The following NSMCE2 variants were observed in gnomAD, a reference collection of about 807,000 sequenced individuals.
NSMCE2 encodes NSE2 SUMO ligase component of SMC5/6 complex.
A neutral mutation model predicts 23.8 loss-of-function variants in NSMCE2; 24 were observed. That is an observed-to-expected ratio of 1.01 (90% confidence interval 0.73 to 1.42). The LOEUF is 1.42. Among genes scored for constraint, NSMCE2 ranks in the 40% most tolerant of loss-of-function variants. The pLI is 0.00. For missense variants in NSMCE2, 284 were observed against 296.5 expected (o/e 0.96, Z 0.31); for synonymous variants, 92 against 94.1 (o/e 0.98, Z 0.13).
At chr8:125,366,212 G>T (rs1456668111) in intron 7 of NSMCE2, among the ~76,000 whole-genome samples, 1 of 152,150 alleles carries the variant, frequency 6.6e-6, no homozygotes, top group African/African-American at 2.4e-5. Flanking sequence ...GCATTTATTT[G>T]GTTCCCTAGT....
intron 5 of NSMCE2, among the ~76,000 whole-genome samples, chr8:125,213,112 A>G (rs573999130): frequency 1.3e-5 from 2 of 152,226 alleles, no homozygotes; most frequent in Non-Finnish European, 2.9e-5. Flanking sequence ...GAAATTAAGT[A>G]TTTGGCTTTG....
intron 5 of NSMCE2, among the ~76,000 whole-genome samples, chr8:125,313,188 AAGAAAG>A (rs992077091): frequency 2.0e-5 from 3 of 148,766 alleles, no homozygotes; most frequent in African/African-American, 7.4e-5. Flanking sequence ...AGGAAGGAGA[AAGAAAG>A]AGAGAGAGAA....
At chr8:125,319,800 T>C (rs1829351762) in intron 5 of NSMCE2, among the ~76,000 whole-genome samples, 1 of 152,118 alleles carries the variant, frequency 6.6e-6, no homozygotes, top group Non-Finnish European at 1.5e-5. Context: ...TTTAGTGAAG[T>C]CTGGACAGTC....
chr8:125,323,574 T>C (rs1224113871), intron 5 of NSMCE2, among the ~76,000 whole-genome samples: 2 of 152,164 alleles, frequency 1.3e-5, no homozygotes, highest in Non-Finnish European at 1.5e-5. Flanking sequence ...GATAATGCAG[T>C]GAGAAAAGGA....
At chr8:125,207,858 C>T (rs962471392) in intron 5 of NSMCE2, among the ~76,000 whole-genome samples, 3 of 152,184 alleles carry the variant, frequency 2.0e-5, no homozygotes, top group African/African-American at 7.2e-5. Flanking sequence ...CACATGGTAG[C>T]AGTGGGTAGG....
intron 5 of NSMCE2, among the ~76,000 whole-genome samples, chr8:125,327,554 G>A (rs1471359372): frequency 6.6e-6 from 1 of 152,100 alleles, no homozygotes; most frequent in South Asian, 2.1e-4. Flanking sequence ...TTTAATTTGA[G>A]CTAAAACATC....
intron 1 of NSMCE2, among the ~76,000 whole-genome samples, 187 bp downstream of exon 1, chr8:125,092,145 C>T (rs1422212427): frequency 1.3e-5 from 2 of 152,164 alleles, no homozygotes. Context: ...TCCATCCTTT[C>T]GCCTCAAGTG....
At chr8:125,151,127 C>T (rs1820998438) in intron 3 of NSMCE2, 44 bp from the exon 4 acceptor site, 2 of 1,004,372 alleles carry the variant, frequency 2.0e-6, no homozygotes, top group Admixed American at 3.5e-5. Context: ...CCAGATATGG[C>T]ATTTTAAATG....
intron 3 of NSMCE2, among the ~76,000 whole-genome samples, chr8:125,111,216 A>C (rs1354627827): frequency 6.6e-6 from 1 of 152,220 alleles, no homozygotes; most frequent in African/African-American, 2.4e-5. Flanking sequence ...AGTAAAAAAC[A>C]ACCAGCAAAG....
At chr8:125,176,764 A>G (rs1822518391) in intron 4 of NSMCE2, among the ~76,000 whole-genome samples, 1 of 152,224 alleles carries the variant, frequency 6.6e-6, no homozygotes, top group Non-Finnish European at 1.5e-5. Context: ...TCTCATAAAG[A>G]TCCCGATTTC....
intron 3 of NSMCE2, among the ~76,000 whole-genome samples, chr8:125,120,893 T>A (rs6470338): frequency 0.37 from 55,714 of 152,116 alleles, 13,757 homozygotes; most frequent in African/African-American, 0.7. Context: ...ATGTATGCCT[T>A]GACTAAAGTT....
rs745598940 is a variant in NSMCE2, at chr8:125,115,015, A to G, written c.157+12528A>G. ...TTATGTGTCATATTTCCCTCACTGG[A>G]CTGTATGTCCTTGAGATTAGGATTC... On this transcript the variant is annotated intron_variant, in intron 3 of 7. Transcript: ENST00000287437. Among the ~76,000 whole-genome samples, 3 of 152,192 alleles carry G rather than the reference A, an allele frequency of 2.0e-5. No homozygotes were observed. In the East Asian group the frequency reaches 5.8e-4, roughly 29 times the overall value.
chr8:125,366,334 A>G (rs1586827624), intron 7 of NSMCE2, among the ~76,000 whole-genome samples: 3 of 152,088 alleles, frequency 2.0e-5, no homozygotes, highest in Non-Finnish European at 4.4e-5. Context: ...AGGTCAGGAG[A>G]TCGAGACCAT....
chr8:125,248,652 C>G (rs558083172), intron 5 of NSMCE2, among the ~76,000 whole-genome samples: 90 of 144,312 alleles, frequency 6.2e-4, no homozygotes, highest in African/African-American at 1.9e-3. Context: ...GACTCCATCT[C>G]AAAAAAAAAA....
At chr8:125,256,452 G>A (rs980662961) in intron 5 of NSMCE2, among the ~76,000 whole-genome samples, 1 of 152,150 alleles carries the variant, frequency 6.6e-6, no homozygotes, top group Non-Finnish European at 1.5e-5. Flanking sequence ...CAGCTTTGAC[G>A]TGCTGGATAT....
At chr8:125,187,902 T>A (rs1018816691) in intron 5 of NSMCE2, among the ~76,000 whole-genome samples, 1 of 152,204 alleles carries the variant, frequency 6.6e-6, no homozygotes, top group African/African-American at 2.4e-5. Context: ...AAAAAAATGC[T>A]TATCTGAAAA....
intron 5 of NSMCE2, among the ~76,000 whole-genome samples, chr8:125,285,558 A>T (rs1020315844): frequency 6.6e-6 from 1 of 152,120 alleles, no homozygotes. Flanking sequence ...GACATAACAG[A>T]TGTTTTACTT....
intron 5 of NSMCE2, among the ~76,000 whole-genome samples, chr8:125,193,344 T>TA (rs1823448608): frequency 6.6e-6 from 1 of 152,200 alleles, no homozygotes. Context: ...CCAGACTGTG[T>TA]AAAAAACTGG....
chr8:125,232,745 A>G (rs1306046346), intron 5 of NSMCE2, among the ~76,000 whole-genome samples: 1 of 152,172 alleles, frequency 6.6e-6, no homozygotes, highest in African/African-American at 2.4e-5. Flanking sequence ...CGTAAAGCCA[A>G]CATGTATTTA....
Sources: allele counts gnomAD v4.1 joint callset (sites outside exome capture counted in the v4.1 genomes callset), GRCh38; gene constraint gnomAD v4.1.1; transcripts MANE v1.5; gene names NCBI Gene and HGNC (gene_info 2026-07-23, HGNC 2026-07-21).